Variants in SNTG2 observed in about 807,000 individuals in gnomAD.
SNTG2 encodes syntrophin gamma 2.
SNTG2 carries 74 observed loss-of-function variants against 70.9 expected under a neutral mutation model. The ratio of observed to expected loss-of-function variants is 1.04; its 90% CI spans 0.86 to 1.27. The LOEUF (loss-of-function observed/expected upper bound fraction) is 1.27, where lower values mean the gene tolerates loss of function less well. Among genes scored for constraint, SNTG2 ranks in the 50% most tolerant of loss-of-function variants. The pLI, the probability that SNTG2 is intolerant of heterozygous loss-of-function variation, is 0.00. For missense variants in SNTG2, 717 were observed against 690.7 expected, an observed-to-expected ratio of 1.04 and a Z score of -0.43; for synonymous variants, 278 against 273.8, an observed-to-expected ratio of 1.02 and a Z score of -0.15.
At chr2:952,526 T>C (rs554324520) in intron 1 of SNTG2, among the ~76,000 whole-genome samples, 1 of 152,234 alleles carries the variant, frequency 6.6e-6, no homozygotes, top group Non-Finnish European at 1.5e-5. Flanking sequence ...CAGTATTAAT[T>C]AAGGTGCTAA....
At chr2:1,136,570 A>G (rs1318668832) in intron 4 of SNTG2, among the ~76,000 whole-genome samples, 2 of 152,220 alleles carry the variant, frequency 1.3e-5, no homozygotes, top group African/African-American at 4.8e-5. Context: ...GCTAAACACT[A>G]GAAGTAATAT....
At chr2:1,176,803 C>T in intron 8 of SNTG2, among the ~76,000 whole-genome samples, 1 of 152,062 alleles carries the variant, frequency 6.6e-6, no homozygotes, top group East Asian at 1.9e-4. Context: ...CCATCTCAGG[C>T]CAGTCAGAAT....
chr2:970,033 A>G (rs1452144559), intron 1 of SNTG2, among the ~76,000 whole-genome samples: 2 of 152,102 alleles, frequency 1.3e-5, no homozygotes, highest in African/African-American at 2.4e-5. Context: ...TGAGGAATAT[A>G]CCTTCATTGC....
intron 8 of SNTG2, among the ~76,000 whole-genome samples, chr2:1,187,997 A>G (rs959568428): frequency 6.6e-6 from 1 of 152,260 alleles, no homozygotes; most frequent in Non-Finnish European, 1.5e-5. Context: ...ACATGATTCT[A>G]GAAGGGCGGC....
At chr2:1,168,108 C>CTGAA (rs1157307204) in intron 7 of SNTG2, among the ~76,000 whole-genome samples, 1 of 142,338 alleles carries the variant, frequency 7.0e-6, no homozygotes, top group Non-Finnish European at 1.5e-5. Context: ...GACGGCAGTA[C>CTGAA]TGAAGCCTAC....
At chr2:1,239,552 A>G (rs924600859) in intron 10 of SNTG2, among the ~76,000 whole-genome samples, 186 bp from the exon 11 acceptor site, 1 of 152,330 alleles carries the variant, frequency 6.6e-6, no homozygotes, top group East Asian at 1.9e-4. Flanking sequence ...GAAGCCTGCT[A>G]GTAAAGTTGT....
intron 8 of SNTG2, among the ~76,000 whole-genome samples, chr2:1,176,650 GAAA>G (rs58207101): frequency 0.015 from 2,251 of 147,264 alleles, 57 homozygotes; most frequent in African/African-American, 0.051. Context: ...AAATTTACAA[GAAA>G]AAAAAAAACA....
At chr2:1,304,343 G>A (rs1417978778) in intron 14 of SNTG2, among the ~76,000 whole-genome samples, 1 of 152,178 alleles carries the variant, frequency 6.6e-6, no homozygotes, top group East Asian at 1.9e-4. Context: ...ATCAAAGGGG[G>A]CGACTTGCCT....
intron 1 of SNTG2, among the ~76,000 whole-genome samples, chr2:972,474 C>T (rs1431483172): frequency 6.6e-6 from 1 of 152,060 alleles, no homozygotes; most frequent in Non-Finnish European, 1.5e-5. Context: ...ACACATCTAA[C>T]AAGCAAACAG....
chr2:1,002,723 A>G (rs956561626), intron 1 of SNTG2, among the ~76,000 whole-genome samples: 6 of 151,114 alleles, frequency 4.0e-5, no homozygotes, highest in African/African-American at 1.5e-4. Flanking sequence ...TAAAACTGCC[A>G]TTCAATCCAG....
chr2:1,231,237 G>A (rs569211200), intron 9 of SNTG2, among the ~76,000 whole-genome samples: 11 of 152,056 alleles, frequency 7.2e-5, no homozygotes, highest in Non-Finnish European at 1.0e-4. Context: ...GATAATGACA[G>A]TGCCTCTTCC....
chr2:1,356,376 A>G (rs1660854234), intron 16 of SNTG2, among the ~76,000 whole-genome samples: 1 of 152,248 alleles, frequency 6.6e-6, no homozygotes, highest in South Asian at 2.1e-4. Flanking sequence ...GGTGTAAGAT[A>G]AAGGTCCAAT....
intron 1 of SNTG2, among the ~76,000 whole-genome samples, chr2:1,012,805 T>G (rs1659774940): frequency 1.4e-5 from 1 of 74,068 alleles, no homozygotes; most frequent in Non-Finnish European, 3.1e-5. Flanking sequence ...GTAGAGGGAT[T>G]TATAAGGGCA....
chr2:1,227,042 G>A (rs1167313848), intron 9 of SNTG2, among the ~76,000 whole-genome samples: 1 of 152,210 alleles, frequency 6.6e-6, no homozygotes, highest in African/African-American at 2.4e-5. Context: ...CTAAGGGAGA[G>A]GTGCGATGTA....
chr2:1,124,451 C>T (rs751923540), intron 4 of SNTG2, among the ~76,000 whole-genome samples: 30 of 152,112 alleles, frequency 2.0e-4, no homozygotes, highest in South Asian at 4.2e-4. Flanking sequence ...CTCGCCACCA[C>T]GCCCGGCTAA....
At chr2:1,173,794 C>T (rs553986672) in intron 8 of SNTG2, among the ~76,000 whole-genome samples, 1 of 152,272 alleles carries the variant, frequency 6.6e-6, no homozygotes, top group South Asian at 2.1e-4. Context: ...ACACAGGGCT[C>T]ACGCCCTCCT....
chr2:1,327,281 A>G (rs192050475), intron 16 of SNTG2, among the ~76,000 whole-genome samples: 1 of 152,262 alleles, frequency 6.6e-6, no homozygotes, highest in African/African-American at 2.4e-5. Context: ...GGACATTTTT[A>G]CTAACAGATT....
intron 4 of SNTG2, among the ~76,000 whole-genome samples, chr2:1,125,494 G>C (rs539576463): frequency 6.6e-6 from 1 of 152,052 alleles, no homozygotes; most frequent in African/African-American, 2.4e-5. Flanking sequence ...TTTGAAGTTT[G>C]CTGCTTTCTT....
rs372415553 is a variant in SNTG2, at chr2:1,098,397, C to T, written c.312C>T (p.Phe104=). Reference sequence around the variant, plus strand: ...TCCCTGTCGTCATATCAAAAATATTCGAAGACCAAGCAGGTAAAAACAGCC... The same window carrying T: ...TCCCTGTCGTCATATCAAAAATATTTGAAGACCAAGCAGGTAAAAACAGCC... The part of the protein sequence containing the change: ...HNVPVVISKI[F]EDQAADQTGM... Residue 104 remains phenylalanine (F), a synonymous_variant, in exon 4 of 17, where the codon TTC becomes TTT. Coordinates refer to ENST00000308624, the MANE Select transcript of SNTG2 (RefSeq NM_018968.4). 16 of 1,613,842 alleles carry T rather than the reference C, an allele frequency of 9.9e-6. No homozygotes were observed. Among genetic ancestry groups the T allele is most frequent in the African/African-American group, 1.3e-5 (1 of 74,922 alleles).
Sources: allele counts gnomAD v4.1 joint callset (sites outside exome capture counted in the v4.1 genomes callset), GRCh38; gene constraint gnomAD v4.1.1; transcripts MANE v1.5; gene names NCBI Gene and HGNC (gene_info 2026-07-23, HGNC 2026-07-21).